WDR41: variants seen among roughly 807,000 people sequenced by gnomAD.
WDR41 encodes the protein WD repeat domain 41, also known as WD repeat-containing protein 41.
In WDR41, 63 loss-of-function variants were observed where a neutral mutation model predicts 69.3. The ratio of observed to expected loss-of-function variants is 0.91; its 90% CI spans 0.74 to 1.12. The LOEUF (loss-of-function observed/expected upper bound fraction) is 1.12. WDR41 is among the 50% of genes most tolerant of loss of function. The pLI, the probability that WDR41 is intolerant of heterozygous loss-of-function variation, is 0.00. For missense variants in WDR41, 543 were observed against 534.5 expected (o/e 1.02, Z -0.16); for synonymous variants, 185 against 192.1 (o/e 0.96, Z 0.31).
At chr5:77,469,981 T>C (rs891469749) in intron 2 of WDR41, among the ~76,000 whole-genome samples, 1 of 150,776 alleles carries the variant, frequency 6.6e-6, no homozygotes, top group Non-Finnish European at 1.5e-5. Context: ...AATTGTCAGA[T>C]TCACCAAAGT....
chr5:77,514,101 T>C (rs1191114634), intron 1 of WDR41, among the ~76,000 whole-genome samples: 1 of 152,186 alleles, frequency 6.6e-6, no homozygotes, highest in Non-Finnish European at 1.5e-5. Flanking sequence ...CAAGTAATTA[T>C]AGTACATTAT....
chr5:77,517,483 T>C (rs1802307111), intron 1 of WDR41, among the ~76,000 whole-genome samples: 1 of 152,156 alleles, frequency 6.6e-6, no homozygotes, highest in African/African-American at 2.4e-5. Flanking sequence ...CTTAGTTCTC[T>C]GAACATGTGC....
chr5:77,461,861 A>G (rs1172110497), intron 4 of WDR41, among the ~76,000 whole-genome samples: 1 of 151,860 alleles, frequency 6.6e-6, no homozygotes, highest in Non-Finnish European at 1.5e-5. Flanking sequence ...TAATCTGACA[A>G]CCTCTTTTAA....
At chr5:77,437,184 A>G (rs1056521218) in intron 11 of WDR41, 152 bp downstream of exon 11, 1 of 648,960 alleles carries the variant, frequency 1.5e-6, no homozygotes, top group Non-Finnish European at 2.7e-6. Context: ...TAAATCCTAG[A>G]TCTCAATTAC....
chr5:77,590,318 C>G (rs1211765281), intron 1 of WDR41, among the ~76,000 whole-genome samples: 1 of 152,132 alleles, frequency 6.6e-6, no homozygotes, highest in Non-Finnish European at 1.5e-5. Flanking sequence ...CATCTCCTTT[C>G]ACGATAGGTT....
At chr5:77,556,401 G>T (rs762410463) in intron 1 of WDR41, among the ~76,000 whole-genome samples, 23 of 149,414 alleles carry the variant, frequency 1.5e-4, no homozygotes, top group Non-Finnish European at 2.2e-4. Context: ...CGTTGCACCC[G>T]ACTGACTGAC....
In WDR41 at chr5:77,511,246, T is replaced by A. The variant is rs560890675; in HGVS notation, c.43-21674A>T. On this transcript the variant is annotated intron_variant, in intron 1 of 5. Transcript: ENST00000509971. ...ATACAACCAGTTCATTCTCTCCAGT[T>A]GACGTCTTTTCAATACAGGCCACTA... Among the ~76,000 whole-genome samples the A allele has an allele frequency of 1.5e-3, 233 of 152,300 alleles. 3 individuals are homozygous for A. The highest frequency in any genetic ancestry group is 5.5e-3 in the African/African-American group (229 of 41,562).
At chr5:77,606,011 A>G (rs571911921) in intron 1 of WDR41, among the ~76,000 whole-genome samples, 1 of 152,374 alleles carries the variant, frequency 6.6e-6, no homozygotes, top group South Asian at 2.1e-4. Flanking sequence ...TGGTCAAAGA[A>G]CAAAGAAAGA....
chr5:77,502,478 C>G (rs528539932), intron 1 of WDR41, among the ~76,000 whole-genome samples: 4 of 152,140 alleles, frequency 2.6e-5, no homozygotes, highest in Non-Finnish European at 5.9e-5. Flanking sequence ...CATCCCCAAC[C>G]TAGCAAGGCA....
At chr5:77,493,574 C>A (rs902539702), upstream of WDR41, among the ~76,000 whole-genome samples, 2 of 152,182 alleles carry the variant, frequency 1.3e-5, no homozygotes, top group Admixed American at 1.3e-4. Context: ...CTTTTGAGTG[C>A]ACTCGGCAAG....
intron 1 of WDR41, among the ~76,000 whole-genome samples, chr5:77,514,441 A>T (rs913526734): frequency 2.0e-5 from 3 of 152,190 alleles, no homozygotes; most frequent in Non-Finnish European, 4.4e-5. Context: ...TTGCTTTTAC[A>T]GAATCATATT....
intron 2 of WDR41, among the ~76,000 whole-genome samples, chr5:77,467,533 G>A (rs1379392058): frequency 2.0e-5 from 3 of 151,918 alleles, no homozygotes; most frequent in Admixed American, 1.3e-4. Flanking sequence ...ACAATTATAT[G>A]ATGTGTCCAA....
At chr5:77,513,891 T>A (rs187486505) in intron 1 of WDR41, among the ~76,000 whole-genome samples, 1 of 151,460 alleles carries the variant, frequency 6.6e-6, no homozygotes, top group African/African-American at 2.4e-5. Context: ...TCTAATACCC[T>A]ATGCACATGT....
At chr5:77,445,071 T>C (rs1488234990) in intron 8 of WDR41, among the ~76,000 whole-genome samples, 2 of 151,942 alleles carry the variant, frequency 1.3e-5, no homozygotes, top group Non-Finnish European at 2.9e-5. Context: ...AAGAATCAAA[T>C]AGACACAATA....
chr5:77,476,069 T>C (rs961223015), intron 2 of WDR41, among the ~76,000 whole-genome samples: 5 of 151,876 alleles, frequency 3.3e-5, no homozygotes, highest in African/African-American at 1.2e-4. Context: ...AGAAAGGGTA[T>C]CAGCGATGGA....
At chr5:77,496,526 A>G (rs1259363517), upstream of WDR41, among the ~76,000 whole-genome samples, 2 of 152,120 alleles carry the variant, frequency 1.3e-5, no homozygotes, top group Non-Finnish European at 2.9e-5. Context: ...AGCATCTAAA[A>G]TAATTAAATA....
chr5:77,529,402 C>T (rs999570914), intron 1 of WDR41, among the ~76,000 whole-genome samples: 4 of 151,548 alleles, frequency 2.6e-5, no homozygotes, highest in East Asian at 1.9e-4. Context: ...AGATACACCA[C>T]GTTCATGGAT....
At chr5:77,532,947 T>A (rs1156611981) in intron 1 of WDR41, among the ~76,000 whole-genome samples, 1 of 152,034 alleles carries the variant, frequency 6.6e-6, no homozygotes, top group Non-Finnish European at 1.5e-5. Context: ...ATGCCTAAAT[T>A]TTTGCTTTTT....
chr5:77,594,685 C>G lies in WDR41; in HGVS notation c.42+25794G>C, dbSNP rs144747637. ...AGTCTACTTCTAGAAACCAAACAGC[C>G]CAACCTTCTCCTTTCTATGGTAACG... is the stretch of plus-strand genomic sequence containing the variant. On this transcript the variant is annotated intron_variant, in intron 1 of 5. Coordinates refer to the WDR41 transcript ENST00000509971. 6.6e-3 allele frequency among the ~76,000 whole-genome samples: 1,002 copies of G among 152,170 alleles called. 10 individuals carry two copies. Among genetic ancestry groups the G allele is most frequent in the African/African-American group, 0.023 (965 of 41,506 alleles).
Sources: gnomAD v4.1 joint callset for allele counts (sites outside exome capture counted in the v4.1 genomes callset) on GRCh38, gnomAD v4.1.1 for gene constraint, MANE v1.5 for transcripts, NCBI Gene and HGNC (gene_info 2026-07-23, HGNC 2026-07-21) for gene names.